The following CNTN3 variants were observed in gnomAD, a reference collection of about 807,000 sequenced individuals.
CNTN3 encodes contactin 3.
In CNTN3, 60 loss-of-function variants were observed where a neutral mutation model predicts 119.1. That is an observed-to-expected ratio of 0.50 (90% CI 0.41 to 0.62). The LOEUF (loss-of-function observed/expected upper bound fraction) is 0.62, where lower values mean the gene tolerates loss of function less well. Among genes scored for constraint, CNTN3 ranks in the 20% least tolerant of loss-of-function variants. The probability of loss-of-function intolerance (pLI) is 0.00; values close to 1 mark genes in which losing one functional copy is unlikely to be tolerated. For synonymous variants in CNTN3, 450 were observed against 438.7 expected (o/e 1.03, Z -0.32); for missense variants, 1,101 against 1,242.4 (o/e 0.89, Z 1.71).
chr3:74,493,548 T>C (rs1451232327), intron 3 of CNTN3, among the ~76,000 whole-genome samples: 1 of 152,078 alleles, frequency 6.6e-6, no homozygotes, highest in African/African-American at 2.4e-5. Context: ...GTCTGGGATT[T>C]GGGTTTAGGA....
At chr3:74,544,363 A>G (rs536306309) in intron 1 of CNTN3, among the ~76,000 whole-genome samples, 1 of 152,302 alleles carries the variant, frequency 6.6e-6, no homozygotes, top group Admixed American at 6.5e-5. Context: ...TCTTCACTGA[A>G]CACACGTCAG....
rs1394853117 is a variant in CNTN3 at position 74,334,785 on chromosome 3, C to T, written c.1618G>A (p.Ala540Thr). ...DIIFTWYFNG[A>T]LADFKKDGSH... ...CCATCTTTCTTAAAATCTGCAAGGG[C>T]CCCATTGAAATACCAGGTAAAGATG... The change falls in exon 13 of 23, where the codon GCC (alanine) becomes ACC (threonine). Residue 540 changes from alanine to threonine, a missense_variant. Transcript: ENST00000263665. 1 of 1,613,562 alleles carries T rather than the reference C, an allele frequency of 6.2e-7. No homozygotes were observed. Among genetic ancestry groups the T allele is most frequent in the African/African-American group, 1.3e-5 (1 of 74,984 alleles).
At chr3:74,294,882 C>T (rs7648379) in intron 19 of CNTN3, among the ~76,000 whole-genome samples, 8,050 of 152,208 alleles carry the variant, frequency 0.053, 655 homozygotes, top group African/African-American at 0.17. Flanking sequence ...ATTTGGCCCA[C>T]GTGATACGTG....
intron 5 of CNTN3, among the ~76,000 whole-genome samples, chr3:74,375,350 T>C (rs892070619): frequency 1.3e-5 from 2 of 152,260 alleles, no homozygotes; most frequent in South Asian, 2.1e-4. Context: ...AGTGAGTGGC[T>C]GGGAGATTCA....
At chr3:74,269,222 A>G (rs1291452662) in intron 20 of CNTN3, among the ~76,000 whole-genome samples, 1 of 152,110 alleles carries the variant, frequency 6.6e-6, no homozygotes, top group African/African-American at 2.4e-5. Flanking sequence ...TTTTACCTTC[A>G]TCTCAATAAT....
intron 1 of CNTN3, among the ~76,000 whole-genome samples, chr3:74,569,949 C>T (rs559867971): frequency 1.1e-4 from 16 of 152,110 alleles, no homozygotes; most frequent in Non-Finnish European, 1.9e-4. Context: ...CCATAGGATG[C>T]ACTTGGGAGT....
chr3:74,542,074 A>C (rs1174082949), intron 1 of CNTN3, among the ~76,000 whole-genome samples: 1 of 152,172 alleles, frequency 6.6e-6, no homozygotes, highest in East Asian at 1.9e-4. Context: ...CTCTGAAAAA[A>C]AAATTAAAAA....
intron 5 of CNTN3, 115 bp downstream of exon 5, chr3:74,424,730 T>A (rs1186424935): frequency 5.9e-6 from 5 of 849,150 alleles, no homozygotes; most frequent in Non-Finnish European, 9.7e-6. Context: ...CAAAATCTAA[T>A]GCTCAGGTTA....
At chr3:74,313,953 T>C (rs1702763598) in intron 13 of CNTN3, among the ~76,000 whole-genome samples, 1 of 152,150 alleles carries the variant, frequency 6.6e-6, no homozygotes, top group Admixed American at 6.5e-5. Flanking sequence ...TTTGTGGAGA[T>C]GGCCAAGCAG....
chr3:74,508,072 C>T (rs748753615), intron 2 of CNTN3, among the ~76,000 whole-genome samples: 1 of 152,142 alleles, frequency 6.6e-6, no homozygotes, highest in Non-Finnish European at 1.5e-5. Context: ...GGCTTTGTGT[C>T]TCCACCCAAA....
chr3:74,304,427 T>G (rs1702519332), intron 13 of CNTN3, among the ~76,000 whole-genome samples: 1 of 152,236 alleles, frequency 6.6e-6, no homozygotes, highest in South Asian at 2.1e-4. Flanking sequence ...TGATTATCAC[T>G]TCTATGGAAA....
At position 74,590,132 on chromosome 3, in the gene CNTN3, T is replaced by C. The variant is rs1007477669; in HGVS notation, c.-81+24259A>G. ...ATAATAAAAAAAAGTATAATAATAA[T>C]AAAAAATAAATAAACCAAAAACTCC... is the stretch of plus-strand genomic sequence containing the variant. On this transcript the variant is annotated intron_variant, in intron 1 of 22. Coordinates refer to ENST00000263665, the MANE Select transcript of CNTN3 (RefSeq NM_020872.3). Among the ~76,000 whole-genome samples, 4 of 151,512 alleles carry C rather than the reference T, an allele frequency of 2.6e-5. 1 individual carries two copies. Among genetic ancestry groups the C allele is most frequent in the South Asian group, 4.2e-4 (2 of 4,812 alleles).
At chr3:74,446,421 T>C (rs1325776529) in intron 4 of CNTN3, among the ~76,000 whole-genome samples, 1 of 152,110 alleles carries the variant, frequency 6.6e-6, no homozygotes, top group Non-Finnish European at 1.5e-5. Flanking sequence ...TGTGTGTGTG[T>C]AGAAAGGAGA....
intron 5 of CNTN3, among the ~76,000 whole-genome samples, chr3:74,381,859 C>G (rs992319594): frequency 6.6e-6 from 1 of 152,152 alleles, no homozygotes; most frequent in African/African-American, 2.4e-5. Context: ...TGCTCAAATT[C>G]AGATTTCAGT....
intron 1 of CNTN3, among the ~76,000 whole-genome samples, chr3:74,536,226 C>T (rs1703763242): frequency 6.6e-6 from 1 of 152,070 alleles, no homozygotes; most frequent in Non-Finnish European, 1.5e-5. Context: ...GTCCCAAAAA[C>T]GGTGCCAGAT....
intron 4 of CNTN3, among the ~76,000 whole-genome samples, chr3:74,428,057 G>A (rs1322075092): frequency 6.6e-6 from 1 of 152,084 alleles, no homozygotes; most frequent in East Asian, 1.9e-4. Flanking sequence ...GATATCATAG[G>A]CATCATGACA....
At chr3:74,433,348 T>C (rs1701815370) in intron 4 of CNTN3, among the ~76,000 whole-genome samples, 1 of 152,116 alleles carries the variant, frequency 6.6e-6, no homozygotes. Context: ...ATACAGGGCA[T>C]CAAAAAATGT....
At chr3:74,282,049 T>C (rs1199752713) in intron 20 of CNTN3, among the ~76,000 whole-genome samples, 2 of 152,214 alleles carry the variant, frequency 1.3e-5, no homozygotes, top group Non-Finnish European at 2.9e-5. Flanking sequence ...TTTTAAGCCA[T>C]CTGCAAATTT....
rs571495240 is a variant in CNTN3, at chr3:74,411,242, G to C, written c.454+13603C>G. On this transcript the variant is annotated intron_variant, in intron 5 of 22. Transcript: ENST00000263665. ...AAAAAAAAGTCACTCTATTTGAAGA[G>C]AAAGTTATGAAAATTAGCGTTTGTA... Among the ~76,000 whole-genome samples the C allele has an allele frequency of 1.7e-4, 26 of 152,108 alleles. No homozygotes were observed. The South Asian group carries it at 5.4e-3, about 32-fold the overall frequency.
Sources: gnomAD v4.1 joint callset for allele counts (sites outside exome capture counted in the v4.1 genomes callset) on GRCh38, gnomAD v4.1.1 for gene constraint, MANE v1.5 for transcripts, NCBI Gene and HGNC (gene_info 2026-07-23, HGNC 2026-07-21) for gene names.